Variants in GUCY2F observed in about 807,000 individuals in gnomAD.
GUCY2F encodes the protein guanylate cyclase 2F, retinal, also known as retinal guanylyl cyclase 2.
In GUCY2F, 61 loss-of-function variants were observed where a neutral mutation model predicts 73.1. The observed-to-expected ratio is 0.83, with a 90% CI of 0.68 to 1.03. The LOEUF (loss-of-function observed/expected upper bound fraction) is 1.03, where lower values mean the gene tolerates loss of function less well. Among genes scored for constraint, GUCY2F ranks in the 50% least tolerant of loss-of-function variants. The pLI is 0.00. For missense variants in GUCY2F, 912 were observed against 854.3 expected, an observed-to-expected ratio of 1.07 and a Z score of -0.84; for synonymous variants, 331 against 307.8, an observed-to-expected ratio of 1.08 and a Z score of -0.79.
At chrX:109,463,808 G>A (rs548880995) in intron 3 of GUCY2F, among the ~76,000 whole-genome samples, 29 of 111,466 alleles carry the variant, frequency 2.6e-4, no homozygotes, top group South Asian at 2.3e-3. Flanking sequence ...ATTGCCACCC[G>A]TATGTGATGT....
chrX:109,400,222 T>C (rs1930807255), intron 10 of GUCY2F, among the ~76,000 whole-genome samples: 1 of 100,710 alleles, frequency 9.9e-6, no homozygotes, highest in African/African-American at 3.7e-5. Flanking sequence ...TAAATGGGGG[T>C]GGGGGTAGTA....
intron 7 of GUCY2F, among the ~76,000 whole-genome samples, chrX:109,431,661 T>C (rs1337865605): frequency 1.2e-4 from 12 of 102,331 alleles, no homozygotes; most frequent in African/African-American, 4.3e-4. Flanking sequence ...ATGGCGCCAC[T>C]GCACTCCAGC....
In GUCY2F at chrX:109,382,280, T is replaced by C. The variant is rs1930335816; in HGVS notation, c.3056-68A>G. On this transcript the variant is annotated intron_variant, in intron 16 of 19. Transcript: ENST00000218006. ...GGCAAAATTAATGAGAAAATGTCAA[T>C]GTAATAAATGTCTTCACTTGTAAAT... 9 of 592,642 alleles carry C rather than the reference T, an allele frequency of 1.5e-5. No homozygotes were observed. The East Asian group carries it at 3.0e-4, about 20-fold the overall frequency. The allele number at this position is 592,642 out of a possible 1,213,427, so 48.8% of individuals were successfully genotyped here.
rs747370840 is a variant in GUCY2F at position 109,375,995 on chromosome X, C to T, written c.3240-9G>A. 2.5e-6 allele frequency: 3 copies of T among 1,188,207 alleles called. No individual in the cohort carries two copies. The highest frequency in any genetic ancestry group is 3.4e-6 in the Non-Finnish European group (3 of 874,960). On this transcript the variant is annotated splice_polypyrimidine_tract_variant and intron_variant, in intron 18 of 19. Coordinates refer to ENST00000218006, the MANE Select transcript of GUCY2F (RefSeq NM_001522.3). ...GGCCATGGCCCACTTGCCTGCAGGGCAGGGGAGACATCAAATAGGTAGTGA... is the reference window on the plus strand; with the variant it reads ...GGCCATGGCCCACTTGCCTGCAGGGTAGGGGAGACATCAAATAGGTAGTGA...
intron 2 of GUCY2F, among the ~76,000 whole-genome samples, chrX:109,471,077 C>T (rs908418364): frequency 8.9e-6 from 1 of 111,779 alleles, no homozygotes; most frequent in Non-Finnish European, 1.9e-5. Context: ...CAAGAATCTT[C>T]AATAAATGAG....
At chrX:109,401,913 T>C (rs1352581342) in intron 10 of GUCY2F, among the ~76,000 whole-genome samples, 2 of 111,017 alleles carry the variant, frequency 1.8e-5, no homozygotes. Context: ...TGGTGTAATG[T>C]AAATAAACAA....
intron 3 of GUCY2F, among the ~76,000 whole-genome samples, chrX:109,458,687 A>G: frequency 9.0e-6 from 1 of 110,678 alleles, no homozygotes; most frequent in Non-Finnish European, 1.9e-5. Flanking sequence ...GATCTCTATT[A>G]TATCCCCTGC....
chrX:109,462,200 G>A (rs1932376958), intron 3 of GUCY2F, among the ~76,000 whole-genome samples: 1 of 112,793 alleles, frequency 8.9e-6, no homozygotes, highest in Admixed American at 9.3e-5. Context: ...AGTAGTCCTA[G>A]AAGATATAGC....
intron 3 of GUCY2F, 61 bp from the exon 4 acceptor site, chrX:109,453,920 A>C (rs1932199357): frequency 1.6e-6 from 1 of 613,090 alleles, no homozygotes; most frequent in African/African-American, 2.3e-5. Flanking sequence ...CTCAGAGTAT[A>C]TTCCAAGCCT....
rs753502528 is a variant in GUCY2F at position 109,395,528 on chromosome X, G to GA, written c.2276-40dup. 1.3e-4 allele frequency: 153 copies of GA among 1,141,113 alleles called. No individual in the cohort carries two copies. The African/African-American group carries it at 2.4e-3, about 18-fold the overall frequency. 94.0% of individuals were successfully genotyped at this position (1,141,113 alleles called of 1,213,427 possible). A position where few individuals can be genotyped will look rare whatever the true frequency, so the allele number is the denominator to read the frequency against. On this transcript the variant is annotated intron_variant, in intron 11 of 19. Coordinates refer to ENST00000218006, the MANE Select transcript of GUCY2F (RefSeq NM_001522.3). The stretch of plus-strand genomic sequence containing the variant: ...AGAAGAGAACCGTTTACAAATCATG[G>GA]AAAAAATGACCAAGATTTGGCAAAG...
intron 3 of GUCY2F, among the ~76,000 whole-genome samples, chrX:109,461,284 G>A (rs1333877131): frequency 8.9e-6 from 1 of 112,281 alleles, no homozygotes; most frequent in Admixed American, 9.4e-5. Context: ...TGCTTCTGAT[G>A]AAGGGAAGAA....
At chrX:109,461,811 T>C (rs1932367656) in intron 3 of GUCY2F, among the ~76,000 whole-genome samples, 1 of 112,432 alleles carries the variant, frequency 8.9e-6, no homozygotes, top group Admixed American at 9.4e-5. Context: ...CTAGAAACCC[T>C]GTCTGTCTTG....
At chrX:109,452,568 G>C (rs1358707481) in intron 4 of GUCY2F, among the ~76,000 whole-genome samples, 1 of 112,038 alleles carries the variant, frequency 8.9e-6, no homozygotes, top group Admixed American at 9.5e-5. Flanking sequence ...CTTCAAGGGT[G>C]AGGGTAAGTC....
At chrX:109,481,576 A>G (rs1258328323) in intron 1 of GUCY2F, among the ~76,000 whole-genome samples, 2 of 111,771 alleles carry the variant, frequency 1.8e-5, no homozygotes, top group Non-Finnish European at 3.8e-5. Flanking sequence ...GCCTGAATCA[A>G]GTTAACAGCT....
chrX:109,413,326 C>T (rs1447461014), intron 8 of GUCY2F, among the ~76,000 whole-genome samples: 2 of 112,132 alleles, frequency 1.8e-5, no homozygotes, highest in Non-Finnish European at 3.8e-5. Flanking sequence ...TAATACCTAT[C>T]TGGCTGGCTA....
Position 109,430,331 on chromosome X carries a change from T to C in GUCY2F, c.1767A>G (p.Ser589=). The change falls in exon 8 of 20, where the codon TCA becomes TCG. Residue 589 remains serine (S), a synonymous_variant. Coordinates refer to ENST00000218006, the MANE Select transcript of GUCY2F (RefSeq NM_001522.3). ...GDFGDLKSIK[S]RASDVFEMMK... ...CCATTTCGAACACATCACTTGCTCT[T>C]GATTTGATGGACTTAAGGTCTCCAA... The C allele has an allele frequency of 9.0e-7, 1 of 1,107,001 alleles. No individual in the cohort carries two copies. The highest frequency in any genetic ancestry group is 1.3e-6 in the Non-Finnish European group (1 of 799,732). 91.2% of individuals were successfully genotyped at this position (1,107,001 alleles called of 1,213,427 possible).
chrX:109,386,461 G>C (rs1167760173), intron 15 of GUCY2F, among the ~76,000 whole-genome samples: 1 of 111,650 alleles, frequency 9.0e-6, no homozygotes, highest in South Asian at 3.8e-4. Flanking sequence ...AGCTCTTAGA[G>C]AGAACAGTCT....
At chrX:109,465,634 CAA>C (rs1043662267) in intron 2 of GUCY2F, among the ~76,000 whole-genome samples, 191 bp from the exon 3 acceptor site, 10 of 111,828 alleles carry the variant, frequency 8.9e-5, no homozygotes, top group Admixed American at 5.7e-4. Flanking sequence ...GGGATAGTGA[CAA>C]GAGAGAGATG....
intron 7 of GUCY2F, among the ~76,000 whole-genome samples, chrX:109,437,688 G>A (rs963686932): frequency 3.5e-5 from 4 of 112,892 alleles, no homozygotes; most frequent in African/African-American, 6.4e-5. Flanking sequence ...TGAGGGTGGG[G>A]CCTGGGAGCA....
Sources: allele counts gnomAD v4.1 joint callset (sites outside exome capture counted in the v4.1 genomes callset), GRCh38; gene constraint gnomAD v4.1.1; transcripts MANE v1.5; gene names NCBI Gene and HGNC (gene_info 2026-07-23, HGNC 2026-07-21).